FOCAD: variants seen among roughly 807,000 people sequenced by gnomAD.
FOCAD encodes KIAA1797.
Under a neutral mutation model 225.6 loss-of-function variants are expected in FOCAD, and 198 were observed. That is an observed-to-expected ratio of 0.88 (90% CI 0.78 to 0.99). The LOEUF (loss-of-function observed/expected upper bound fraction) is 0.99, where lower values mean the gene tolerates loss of function less well. FOCAD is among the 50% of genes least tolerant of loss of function. FOCAD has a pLI of 0.00. For synonymous variants in FOCAD, 897 were observed against 755.0 expected, an observed-to-expected ratio of 1.19 and a Z score of -3.08; for missense variants, 2,713 against 2,123.6, an observed-to-expected ratio of 1.28 and a Z score of -5.46.
intron 15 of FOCAD, among the ~76,000 whole-genome samples, chr9:20,843,581 G>A (rs969972128): frequency 6.6e-6 from 1 of 152,010 alleles, no homozygotes; most frequent in African/African-American, 2.4e-5. Context: ...TCTTGAGGTA[G>A]TCTTATTTTG....
chr9:20,893,017 T>A (rs963223622), intron 21 of FOCAD, among the ~76,000 whole-genome samples: 3 of 151,774 alleles, frequency 2.0e-5, no homozygotes, highest in Non-Finnish European at 2.9e-5. Context: ...GTCAAATATT[T>A]AAAAAAAAAT....
intron 35 of FOCAD, among the ~76,000 whole-genome samples, chr9:20,963,700 C>G (rs931114960): frequency 6.6e-6 from 1 of 152,162 alleles, no homozygotes; most frequent in African/African-American, 2.4e-5. Context: ...TAAGAAAACC[C>G]CAAAAAGCAA....
At chr9:20,851,804 C>A (rs1053918061) in intron 15 of FOCAD, among the ~76,000 whole-genome samples, 2 of 151,830 alleles carry the variant, frequency 1.3e-5, no homozygotes, top group African/African-American at 4.8e-5. Flanking sequence ...CAGGAGTTGG[C>A]AAACCATGGC....
intron 26 of FOCAD, among the ~76,000 whole-genome samples, chr9:20,928,681 G>T (rs1334610874): frequency 6.6e-6 from 1 of 152,018 alleles, no homozygotes; most frequent in African/African-American, 2.4e-5. Context: ...TGTAGGAAGG[G>T]GCATATAGAG....
intron 21 of FOCAD, among the ~76,000 whole-genome samples, chr9:20,891,542 G>T (rs544208285): frequency 6.6e-6 from 1 of 152,258 alleles, no homozygotes; most frequent in South Asian, 2.1e-4. Context: ...TTAGTGGTTT[G>T]GATAAAGGAA....
At chr9:20,902,828 T>C (rs1255204442) in intron 21 of FOCAD, among the ~76,000 whole-genome samples, 1 of 151,818 alleles carries the variant, frequency 6.6e-6, no homozygotes, top group Admixed American at 6.6e-5. Context: ...ATAGATAATA[T>C]TGATGGGAAC....
chr9:20,718,601 A>C (rs1825531231), intron 3 of FOCAD, among the ~76,000 whole-genome samples: 1 of 152,208 alleles, frequency 6.6e-6, no homozygotes, highest in South Asian at 2.1e-4. Flanking sequence ...TTCTGCAGAC[A>C]TGTTGAAGTA....
intron 2 of FOCAD, among the ~76,000 whole-genome samples, chr9:20,661,206 G>C (rs541235831): frequency 6.6e-6 from 1 of 152,182 alleles, no homozygotes; most frequent in African/African-American, 2.4e-5. Flanking sequence ...AAATGTGGTA[G>C]AGGAGAATGG....
intron 35 of FOCAD, among the ~76,000 whole-genome samples, chr9:20,968,267 A>G (rs1013067574): frequency 1.2e-4 from 18 of 151,854 alleles, no homozygotes; most frequent in African/African-American, 4.1e-4. Flanking sequence ...TTCTCTTGTA[A>G]TCCTTTTTAT....
chr9:20,975,167 A>T (rs886259585), intron 35 of FOCAD, among the ~76,000 whole-genome samples: 1 of 152,226 alleles, frequency 6.6e-6, no homozygotes, highest in Middle Eastern at 3.4e-3. Context: ...TTGGTCTTCT[A>T]CATTTTAATG....
At chr9:20,734,243 A>G (rs1295222305) in intron 4 of FOCAD, among the ~76,000 whole-genome samples, 1 of 152,092 alleles carries the variant, frequency 6.6e-6, no homozygotes, top group Non-Finnish European at 1.5e-5. Context: ...GCTAATAGGG[A>G]GTCTTAAAGG....
rs971646594 is a variant in FOCAD, at chr9:20,780,272, C to G, written c.995-1455C>G. Among the ~76,000 whole-genome samples the G allele has an allele frequency of 5.9e-5, 9 of 152,154 alleles. 1 individual carries two copies. Among genetic ancestry groups the G allele is most frequent in the African/African-American group, 2.2e-4 (9 of 41,450 alleles). On this transcript the variant is annotated intron_variant, in intron 9 of 43. Coordinates refer to ENST00000338382, the MANE Select transcript of FOCAD (RefSeq NM_001375567.1). Reference sequence around the variant, plus strand: ...TTTTGTCTCTGTAGATTTGCCTTTTCTAGACATTTCATATGATTGGATTTT... The same window carrying G: ...TTTTGTCTCTGTAGATTTGCCTTTTGTAGACATTTCATATGATTGGATTTT...
chr9:20,881,079 A>G (rs1483031911), intron 19 of FOCAD, among the ~76,000 whole-genome samples: 1 of 152,238 alleles, frequency 6.6e-6, no homozygotes, highest in South Asian at 2.1e-4. Context: ...GATAGTGGAC[A>G]AATATCTCAT....
chr9:20,910,994 G>T (rs767059117), intron 22 of FOCAD, among the ~76,000 whole-genome samples: 1 of 151,998 alleles, frequency 6.6e-6, no homozygotes, highest in Non-Finnish European at 1.5e-5. Context: ...CTTGTGTTTT[G>T]TTTATCTTTA....
chr9:20,671,731 G>A (rs955963833), intron 2 of FOCAD, among the ~76,000 whole-genome samples: 9 of 152,178 alleles, frequency 5.9e-5, no homozygotes, highest in African/African-American at 1.9e-4. Context: ...AGGGCAAAAA[G>A]TTTCCTGTAT....
chr9:20,739,601 C>CT (rs1409979534), intron 4 of FOCAD, among the ~76,000 whole-genome samples: 1 of 137,474 alleles, frequency 7.3e-6, no homozygotes, highest in Non-Finnish European at 1.6e-5. Flanking sequence ...GAAACTCCAT[C>CT]TAAAAAAAAA....
upstream of FOCAD, among the ~76,000 whole-genome samples, chr9:20,679,441 G>T (rs1250504436): frequency 6.6e-6 from 1 of 152,100 alleles, no homozygotes; most frequent in Admixed American, 6.5e-5. Flanking sequence ...TCAAGGCTTT[G>T]TGTCTCTCTC....
intron 25 of FOCAD, among the ~76,000 whole-genome samples, chr9:20,925,906 C>T (rs1042350915): frequency 2.0e-5 from 3 of 152,118 alleles, no homozygotes; most frequent in African/African-American, 7.2e-5. Flanking sequence ...CTTATTGCCT[C>T]CTTTGTCAAA....
At chr9:20,706,845 A>G (rs1824429795) in intron 1 of FOCAD, among the ~76,000 whole-genome samples, 1 of 152,202 alleles carries the variant, frequency 6.6e-6, no homozygotes, top group African/African-American at 2.4e-5. Flanking sequence ...GCTATCATTT[A>G]GGGATCCACG....
Sources: allele counts gnomAD v4.1 joint callset (sites outside exome capture counted in the v4.1 genomes callset), GRCh38; gene constraint gnomAD v4.1.1; transcripts MANE v1.5; gene names NCBI Gene and HGNC (gene_info 2026-07-23, HGNC 2026-07-21).